ABCA7: variants seen among roughly 807,000 people sequenced by gnomAD.
ABCA7 encodes phospholipid-transporting ATPase ABCA7.
A neutral mutation model predicts 227.6 loss-of-function variants in ABCA7; 261 were observed. That is an observed-to-expected ratio of 1.15 (90% CI 1.04 to 1.27). The LOEUF (loss-of-function observed/expected upper bound fraction) is 1.27. Among genes scored for constraint, ABCA7 ranks in the 50% most tolerant of loss-of-function variants. The pLI, the probability that ABCA7 is intolerant of heterozygous loss-of-function variation, is 0.00. For missense variants in ABCA7, 3,331 were observed against 2,924.5 expected (o/e 1.14, Z -3.21); for synonymous variants, 1,488 against 1,279.7 (o/e 1.16, Z -3.47).
intron 16 of ABCA7, among the ~76,000 whole-genome samples, chr19:1,048,466 A>G (rs1396643144): frequency 7.9e-6 from 1 of 126,362 alleles, no homozygotes; most frequent in Non-Finnish European, 1.6e-5. Flanking sequence ...ACTGCACTCC[A>G]GCCTGGGCAA....
chr19:1,056,597 ACACT>A lies in ABCA7; in HGVS notation c.4586+100_4586+103del, dbSNP rs748916148. 4 of 1,394,724 alleles carry A rather than the reference ACACT, an allele frequency of 2.9e-6. No individual in the cohort carries two copies. Among genetic ancestry groups the A allele is most frequent in the East Asian group, 2.5e-5 (1 of 40,030 alleles). The allele number at this position is 1,394,724 out of a possible 1,614,324, so 86.4% of individuals were successfully genotyped here. Reference sequence around the variant, plus strand: ...GTGGGAGCTGGATTTGAACCCTGACACACTCTTGCTTTATAAATGGGGGATAGAA... The same window carrying A: ...GTGGGAGCTGGATTTGAACCCTGACACTTGCTTTATAAATGGGGGATAGAA... On this transcript the variant is annotated intron_variant, in intron 33 of 46. Transcript: ENST00000263094. This position sits in a 1 kb window ranked among gnomAD's most constrained non-coding sequence, Gnocchi z 4.3.
At chr19:1,051,855 T>C in intron 21 of ABCA7, 87 bp from the exon 22 acceptor site, 2 of 1,522,012 alleles carry the variant, frequency 1.3e-6, no homozygotes, top group Non-Finnish European at 1.8e-6. Context: ...GTTTGCTTCA[T>C]GGGGCAGACA....
At chr19:1,058,373 C>G (rs1030896829) in intron 37 of ABCA7, 104 bp downstream of exon 37, 6 of 1,508,372 alleles carry the variant, frequency 4.0e-6, no homozygotes, top group Non-Finnish European at 5.3e-6. Flanking sequence ...CCCAGGGAGA[C>G]AGCCAGGGTT....
At chr19:1,057,827 G>C in intron 35 of ABCA7, 88 bp from the exon 36 acceptor site, 1 of 1,497,624 alleles carries the variant, frequency 6.7e-7, no homozygotes, top group Non-Finnish European at 9.1e-7. Flanking sequence ...CAAGGTCTAA[G>C]GCAGAGAAGA....
Position 1,046,401 on chromosome 19 carries a change from C to T in ABCA7, c.1617C>T (p.Asp539=), listed in dbSNP as rs201932817. The T allele has an allele frequency of 6.4e-7, 1 of 1,551,520 alleles. No individual in the cohort carries two copies. The highest frequency in any genetic ancestry group is 8.7e-7 in the Non-Finnish European group (1 of 1,151,098). The change falls in exon 13 of 47, where the codon GAC becomes GAT. Residue 539 remains aspartate (D), a synonymous_variant. Coordinates refer to ENST00000263094, the MANE Select transcript of ABCA7 (RefSeq NM_019112.4). Reference sequence around the variant, plus strand: ...AGATGCCCTATCCGTGCTATGTGGACGACGTGTGAGCTCTGGCACCCCTCC... The same window carrying T: ...AGATGCCCTATCCGTGCTATGTGGATGACGTGTGAGCTCTGGCACCCCTCC... The part of the protein sequence containing the change: ...LQQMPYPCYV[D]DVFLRVLSRS...
At chr19:1,047,796 T>A (rs1210477516) in intron 16 of ABCA7, 142 bp downstream of exon 16, 2 of 905,348 alleles carry the variant, frequency 2.2e-6, no homozygotes, top group Non-Finnish European at 3.1e-6. Flanking sequence ...GGCACACGCA[T>A]GCAGGTGGCT....
Position 1,063,524 on chromosome 19 carries a change from ACTCTGGCCCCACCCCACAGACCGCTGG to A in ABCA7, c.5713-16_5723del. On this transcript the variant is annotated splice_acceptor_variant and splice_polypyrimidine_tract_variant and coding_sequence_variant and intron_variant, in exon 43 of 47. Coordinates refer to ENST00000263094, the MANE Select transcript of ABCA7 (RefSeq NM_019112.4). LOFTEE classifies it high-confidence loss of function. ...CTCATCAATATGAGTCCCCATGCCT[ACTCTGGCCCCACCCCACAGACCGCTGG>A]CTCGGGCCTGGCGCGTCTGGGACTC... 6.2e-7 allele frequency: 1 copy of A among 1,608,482 alleles called. No homozygotes were observed. The highest frequency in any genetic ancestry group is 2.2e-5 in the East Asian group (1 of 44,838).
chr19:1,050,551 C>T (rs1876720221), intron 18 of ABCA7, among the ~76,000 whole-genome samples: 1 of 151,918 alleles, frequency 6.6e-6, no homozygotes, highest in Non-Finnish European at 1.5e-5. Flanking sequence ...GCGGGTGGAT[C>T]ACGAGGTCAG....
chr19:1,054,675 G>A lies in ABCA7; in HGVS notation c.3832G>A (p.Ala1278Thr). 4 of 1,613,044 alleles carry A rather than the reference G, an allele frequency of 2.5e-6. No homozygotes were observed. Among genetic ancestry groups the A allele is most frequent in the Non-Finnish European group, 3.4e-6 (4 of 1,179,622 alleles). The change falls in exon 28 of 47, where the codon GCT becomes ACT. Residue 1278 changes from alanine to threonine, a missense_variant. Ala to Thr is a moderately conservative substitution (Grantham distance 58, BLOSUM62 0). Transcript: ENST00000263094. The surrounding 1 kb of genome is among the most constrained non-coding windows in gnomAD (Gnocchi z 4.8). ...ALRLSPTMYG[A>T]QVSFFSEDAP... Reference sequence around the variant, plus strand: ...GCGGCTCAGTCCCACCATGTACGGTGCTCAGGTGTCCTTCTTCAGGTGGGT... The same window carrying A: ...GCGGCTCAGTCCCACCATGTACGGTACTCAGGTGTCCTTCTTCAGGTGGGT...
chr19:1,054,335 C>T lies in ABCA7; in HGVS notation c.3720C>T (p.Phe1240=), dbSNP rs778413382. ...CCCGCCGCAGCCGCCGCGGCCTGTT[C>T]GCCCAGGTGAGGAGGGCTAGCACCA... ...LLARRSRRGL[F]AQIVLPALFV... Residue 1240 remains phenylalanine, a synonymous_variant, in exon 27 of 47, where the codon TTC becomes TTT. Transcript: ENST00000263094. This position sits in a 1 kb window ranked among gnomAD's most constrained non-coding sequence, Gnocchi z 4.8. 6.5e-5 allele frequency: 103 copies of T among 1,596,764 alleles called. 5 individuals carry two copies. In the South Asian group the frequency reaches 8.1e-4, roughly 13 times the overall value.
At chr19:1,064,352 G>T in intron 45 of ABCA7, 99 bp downstream of exon 45, 2 of 1,305,568 alleles carry the variant, frequency 1.5e-6, no homozygotes, top group Non-Finnish European at 2.1e-6. Flanking sequence ...GGAAAGTTTG[G>T]CTCCAACTGG....
At chr19:1,045,689 C>G (rs2040562132) in intron 12 of ABCA7, 1 of 163,390 alleles carries the variant, frequency 6.1e-6, no homozygotes, top group African/African-American at 2.5e-5. Context: ...ACCAACCTCA[C>G]GAAAATATCT....
intron 19 of ABCA7, 46 bp from the exon 20 acceptor site, chr19:1,051,109 A>T (rs1280121645): frequency 6.2e-7 from 1 of 1,611,076 alleles, no homozygotes. Flanking sequence ...GCCCTCTGGG[A>T]CTCTGCCTGC....
At chr19:1,047,079 A>G (rs4147910) in intron 14 of ABCA7, 55 bp downstream of exon 14, 165,628 of 1,555,216 alleles carry the variant, frequency 0.11, 11,833 homozygotes, top group East Asian at 0.36. Context: ...AGGGTGACAG[A>G]CAGGGGCGGC....
chr19:1,049,375 C>T lies in ABCA7; in HGVS notation c.2490C>T (p.Asp830=). 5 of 1,611,414 alleles carry T rather than the reference C, an allele frequency of 3.1e-6. No homozygotes were observed. The highest frequency in any genetic ancestry group is 1.1e-5 in the South Asian group (1 of 91,058). Residue 830 remains aspartate (D), a synonymous_variant, in exon 18 of 47, where the codon GAC becomes GAT. Coordinates refer to ENST00000263094, the MANE Select transcript of ABCA7 (RefSeq NM_019112.4). ...CAGCCCTGCGGGGGCTCAGCCTGGA[C>T]TTCTACCAGGGCCACATCACCGCCT... ...PQPALRGLSL[D]FYQGHITAFL...
chr19:1,045,820 G>A (rs896932779), intron 12 of ABCA7, among the ~76,000 whole-genome samples: 1 of 152,034 alleles, frequency 6.6e-6, no homozygotes, highest in Admixed American at 6.5e-5. Flanking sequence ...CTAACTCGGT[G>A]AAACCCTGCC....
At chr19:1,062,359 C>A (rs778147320) in intron 42 of ABCA7, 46 bp downstream of exon 42, 1 of 1,586,318 alleles carries the variant, frequency 6.3e-7, no homozygotes, top group East Asian at 2.2e-5. Context: ...AGGGCCCACC[C>A]GACCCAGGCC....
Position 1,054,894 on chromosome 19 carries a change from G to T in ABCA7, c.3950+16G>T. On this transcript the variant is annotated intron_variant, in intron 29 of 46. Coordinates refer to ENST00000263094, the MANE Select transcript of ABCA7 (RefSeq NM_019112.4). The surrounding 1 kb of genome is among the most constrained non-coding windows in gnomAD (Gnocchi z 4.8). The stretch of plus-strand genomic sequence containing the variant: ...GCTCCCACAGGTGAGGCGTCTTGTT[G>T]GCCTGGACCTTTCCCCTCTCTGGCC... 1 of 1,550,876 alleles carries T rather than the reference G, an allele frequency of 6.4e-7. No homozygotes were observed. The highest frequency in any genetic ancestry group is 2.4e-5 in the East Asian group (1 of 41,198).
rs780206662 is a variant in ABCA7, at chr19:1,047,605, C to T, written c.2220C>T (p.Asp740=). The change falls in exon 16 of 47, where the codon GAC becomes GAT. Residue 740 remains aspartate (D), a synonymous_variant. Transcript: ENST00000263094. The stretch of plus-strand genomic sequence containing the variant: ...AGGTCTCTGGCCTTCTGCTGCTGGA[C>T]GCGGCGCTCTACGGCCTCGCCACCT... ...LAQVSGLLLL[D]AALYGLATWY... 6.2e-7 allele frequency: 1 copy of T among 1,602,952 alleles called. No homozygotes were observed. Among genetic ancestry groups the T allele is most frequent in the South Asian group, 1.1e-5 (1 of 90,834 alleles).
Sources: allele counts gnomAD v4.1 joint callset (sites outside exome capture counted in the v4.1 genomes callset), GRCh38; gene constraint gnomAD v4.1.1; non-coding constraint Gnocchi (gnomAD v3.1); transcripts MANE v1.5; gene names NCBI Gene and HGNC (gene_info 2026-07-23, HGNC 2026-07-21).